Variants in KLF9 observed in about 807,000 individuals in gnomAD.
KLF9 encodes the protein Krueppel-like factor 9.
Under a neutral mutation model 17.3 loss-of-function variants are expected in KLF9, and 2 were observed. That is an observed-to-expected ratio of 0.12 (90% CI 0.05 to 0.36). The LOEUF (loss-of-function observed/expected upper bound fraction) is 0.36. Ranked by LOEUF, KLF9 falls within the 10% of genes least tolerant of loss-of-function variation. The pLI is 1.00. For missense variants in KLF9, 226 were observed against 333.2 expected, an observed-to-expected ratio of 0.68 and a Z score of 2.51; for synonymous variants, 138 against 139.2, an observed-to-expected ratio of 0.99 and a Z score of 0.06.
Position 70,386,358 on chromosome 9 carries a change from G to C in KLF9, c.*1418C>G, listed in dbSNP as rs1352658670. The C allele has an allele frequency of 6.6e-6, 1 of 152,624 alleles. No homozygotes were observed. The highest frequency in any genetic ancestry group is 1.5e-5 in the Non-Finnish European group (1 of 68,042). 9.5% of individuals were successfully genotyped at this position (152,624 alleles called of 1,614,324 possible). A position where few individuals can be genotyped will look rare whatever the true frequency, so the allele number is the denominator to read the frequency against. ...ACACCTAGATACAAGATATATTAGT[G>C]GTGAGGCTATTGATGTAAAAGATAC... On this transcript the variant is annotated 3_prime_UTR_variant, in exon 2 of 2. Transcript: ENST00000377126.
chr9:70,387,938 G>A lies in KLF9; in HGVS notation c.573C>T (p.Thr191=), dbSNP rs1334094360. 2 of 1,613,934 alleles carry A rather than the reference G, an allele frequency of 1.2e-6. No individual in the cohort carries two copies. Among genetic ancestry groups the A allele is most frequent in the East Asian group, 2.2e-5 (1 of 44,852 alleles). ...LKKFSRSDEL[T]RHYRTHTGEK... ...CCCCAGTGTGGGTCCGGTAGTGGCG[G>A]GTCAGCTCGTCTGAGCGGGAGAACT... is the stretch of plus-strand genomic sequence containing the variant. Residue 191 remains threonine (T), a synonymous_variant, in exon 2 of 2, where the codon ACC becomes ACT. Coordinates refer to ENST00000377126, the MANE Select transcript of KLF9 (RefSeq NM_001206.4).
At chr9:70,403,021 G>A (rs769063727) in intron 1 of KLF9, among the ~76,000 whole-genome samples, 8 of 152,092 alleles carry the variant, frequency 5.3e-5, no homozygotes, top group South Asian at 2.1e-4. Context: ...ATGGTGGGGT[G>A]TGGCTGTAAT....
chr9:70,402,949 A>G (rs2037233016), intron 1 of KLF9, among the ~76,000 whole-genome samples: 1 of 152,116 alleles, frequency 6.6e-6, no homozygotes, highest in African/African-American at 2.4e-5. Flanking sequence ...CAGGAGTTCA[A>G]GACAAGCCTG....
chr9:70,410,070 A>T (rs1374706845), intron 1 of KLF9, among the ~76,000 whole-genome samples: 1 of 152,220 alleles, frequency 6.6e-6, no homozygotes, highest in East Asian at 1.9e-4. Flanking sequence ...AGTGAGGCTT[A>T]AACAAAGCAG....
At chr9:70,411,398 A>G (rs968532839) in intron 1 of KLF9, among the ~76,000 whole-genome samples, 2 of 152,180 alleles carry the variant, frequency 1.3e-5, no homozygotes, top group Non-Finnish European at 2.9e-5. Context: ...CCCCAGAGCC[A>G]CACTAAAGGT....
intron 1 of KLF9, among the ~76,000 whole-genome samples, chr9:70,394,293 G>A (rs1194281616): frequency 6.1e-5 from 1 of 16,412 alleles, no homozygotes; most frequent in Non-Finnish European, 1.2e-4. Context: ...CCATTTAACA[G>A]CTCATACACA....
At position 70,413,454 on chromosome 9, in the gene KLF9, C is replaced by T. The variant is rs1587745528; in HGVS notation, c.-91G>A. On this transcript the variant is annotated 5_prime_UTR_variant, in exon 1 of 2. Coordinates refer to ENST00000377126, the MANE Select transcript of KLF9 (RefSeq NM_001206.4). The surrounding 1 kb of genome is among the most constrained non-coding windows in gnomAD (Gnocchi z 5.6). ...CCCTGCCCTGGCCTCGGACGACGAG[C>T]GCGGCGCGGCGCGGCACGGCGCGGC... is the stretch of plus-strand genomic sequence containing the variant. 63 of 1,230,500 alleles carry T rather than the reference C, an allele frequency of 5.1e-5. No homozygotes were observed. In the East Asian group the frequency reaches 1.9e-3, roughly 37 times the overall value. 76.2% of individuals were successfully genotyped at this position (1,230,500 alleles called of 1,614,324 possible).
chr9:70,389,182 A>G (rs2037135780), intron 1 of KLF9, among the ~76,000 whole-genome samples: 1 of 152,076 alleles, frequency 6.6e-6, no homozygotes, highest in Admixed American at 6.6e-5. Flanking sequence ...CTTCTGCCAC[A>G]TCATAATCCT....
chr9:70,413,501 G>A lies in KLF9; in HGVS notation c.-138C>T. On this transcript the variant is annotated 5_prime_UTR_variant, in exon 1 of 2. Coordinates refer to ENST00000377126, the MANE Select transcript of KLF9 (RefSeq NM_001206.4). The surrounding 1 kb of genome is among the most constrained non-coding windows in gnomAD (Gnocchi z 5.6). ...CGGCGGCCAAGGGGGCGGGGGCGCG[G>A]GGCGCTTCCGACTCGCAGGAGCGCC... 1.1e-6 allele frequency: 1 copy of A among 922,440 alleles called. No homozygotes were observed. Among genetic ancestry groups the A allele is most frequent in the Non-Finnish European group, 1.4e-6 (1 of 719,664 alleles). 57.1% of individuals were successfully genotyped at this position (922,440 alleles called of 1,614,324 possible).
chr9:70,390,237 T>C (rs1431354268), intron 1 of KLF9, among the ~76,000 whole-genome samples: 1 of 152,192 alleles, frequency 6.6e-6, no homozygotes, highest in Non-Finnish European at 1.5e-5. Context: ...GTTGATTCTC[T>C]ATGTGCAGAT....
At chr9:70,400,787 T>G (rs973418798) in intron 1 of KLF9, among the ~76,000 whole-genome samples, 1 of 152,106 alleles carries the variant, frequency 6.6e-6, no homozygotes, top group Non-Finnish European at 1.5e-5. Context: ...ACATGCCACA[T>G]GGGCCACCAG....
intron 1 of KLF9, among the ~76,000 whole-genome samples, chr9:70,404,646 A>G (rs1174337060): frequency 6.6e-6 from 1 of 152,130 alleles, no homozygotes; most frequent in Admixed American, 6.5e-5. Flanking sequence ...GAAGTGAATG[A>G]GGCAGTGCTG....
chr9:70,396,160 G>A (rs926846036), intron 1 of KLF9, among the ~76,000 whole-genome samples: 1 of 152,116 alleles, frequency 6.6e-6, no homozygotes, highest in South Asian at 2.1e-4. Context: ...CCACACTGGT[G>A]GGATTTATAA....
At chr9:70,404,068 C>T (rs941832130) in intron 1 of KLF9, among the ~76,000 whole-genome samples, 7 of 152,168 alleles carry the variant, frequency 4.6e-5, no homozygotes, top group Admixed American at 2.6e-4. Context: ...CCTTGAACTA[C>T]GTTAACTAAC....
At chr9:70,404,909 T>C (rs1354938574) in intron 1 of KLF9, among the ~76,000 whole-genome samples, 1 of 152,172 alleles carries the variant, frequency 6.6e-6, no homozygotes, top group South Asian at 2.1e-4. Context: ...CAAAAACCCA[T>C]GTCAGAAGGA....
At chr9:70,392,333 C>G (rs1284659335) in intron 1 of KLF9, among the ~76,000 whole-genome samples, 1 of 152,166 alleles carries the variant, frequency 6.6e-6, no homozygotes, top group Non-Finnish European at 1.5e-5. Flanking sequence ...CCATGGTGAA[C>G]TGAACAGGGT....
In KLF9 at chr9:70,387,930, TA is replaced by T; in HGVS notation, c.580del (p.Tyr194ThrfsTer20). On this transcript the variant is annotated frameshift_variant, in exon 2 of 2. Transcript: ENST00000377126. LOFTEE classifies it high-confidence loss of function. Reference sequence around the variant, plus strand: ...CTGCTTTTCCCCAGTGTGGGTCCGGTAGTGGCGGGTCAGCTCGTCTGAGCGG... The same window carrying T: ...CTGCTTTTCCCCAGTGTGGGTCCGGTGTGGCGGGTCAGCTCGTCTGAGCGG... ...FSRSDELTRH[Y>X]RTHTGEKQFR... 6.2e-7 allele frequency: 1 copy of T among 1,613,714 alleles called. No homozygotes were observed. Among genetic ancestry groups the T allele is most frequent in the African/African-American group, 1.3e-5 (1 of 74,874 alleles).
At chr9:70,396,701 G>A (rs1366234470) in intron 1 of KLF9, among the ~76,000 whole-genome samples, 1 of 152,118 alleles carries the variant, frequency 6.6e-6, no homozygotes, top group Non-Finnish European at 1.5e-5. Flanking sequence ...TACCAGTGAG[G>A]AGATAAAGAA....
intron 1 of KLF9, among the ~76,000 whole-genome samples, chr9:70,411,412 A>T (rs2037312041): frequency 6.6e-6 from 1 of 152,176 alleles, no homozygotes; most frequent in African/African-American, 2.4e-5. Context: ...TAAAGGTCAC[A>T]TCCCCCAACA....
Sources: allele counts gnomAD v4.1 joint callset (sites outside exome capture counted in the v4.1 genomes callset), GRCh38; gene constraint gnomAD v4.1.1; non-coding constraint Gnocchi (gnomAD v3.1); transcripts MANE v1.5; gene names NCBI Gene and HGNC (gene_info 2026-07-23, HGNC 2026-07-21).